Variants in TANGO6 observed in about 807,000 individuals in gnomAD.
TANGO6 encodes the protein transport and golgi organization 6 homolog.
Under a neutral mutation model 114.2 loss-of-function variants are expected in TANGO6, and 90 were observed. The observed-to-expected ratio is 0.79, with a 90% confidence interval of 0.66 to 0.94. The LOEUF (loss-of-function observed/expected upper bound fraction) is 0.94, where lower values mean the gene tolerates loss of function less well. Among genes scored for constraint, TANGO6 ranks in the 40% least tolerant of loss-of-function variants. TANGO6 has a pLI of 0.00. For missense variants in TANGO6, 1,274 were observed against 1,315.3 expected, an observed-to-expected ratio of 0.97 and a Z score of 0.49; for synonymous variants, 477 against 509.8, an observed-to-expected ratio of 0.94 and a Z score of 0.87.
chr16:68,980,251 T>C (rs1963811678), intron 15 of TANGO6, among the ~76,000 whole-genome samples: 1 of 151,140 alleles, frequency 6.6e-6, no homozygotes, highest in African/African-American at 2.4e-5. Context: ...TCTTTTTCAT[T>C]TTGTTTTTGA....
chr16:69,063,001 G>A (rs1322529659), intron 17 of TANGO6, among the ~76,000 whole-genome samples: 2 of 151,702 alleles, frequency 1.3e-5, no homozygotes, highest in East Asian at 2.0e-4. Context: ...GCCGAAACAG[G>A]TGAATTGTTT....
intron 17 of TANGO6, among the ~76,000 whole-genome samples, chr16:69,049,436 C>CTT (rs1005925380): frequency 6.9e-6 from 1 of 144,408 alleles, no homozygotes; most frequent in Non-Finnish European, 1.5e-5. Context: ...TTTTTTCTTT[C>CTT]TTTTTTTTTT....
intron 15 of TANGO6, among the ~76,000 whole-genome samples, chr16:68,987,334 A>G (rs1023647650): frequency 7.9e-5 from 12 of 152,074 alleles, no homozygotes; most frequent in African/African-American, 2.9e-4. Context: ...GGCTATTTAA[A>G]TTTTAAATTT....
chr16:68,846,330 C>A (rs1961803015), intron 1 of TANGO6, among the ~76,000 whole-genome samples: 1 of 152,140 alleles, frequency 6.6e-6, no homozygotes, highest in Admixed American at 6.6e-5. Context: ...CCATGCCCAA[C>A]CTCAAGAAGT....
At chr16:68,880,745 G>C in intron 7 of TANGO6, 115 bp downstream of exon 7, 1 of 600,980 alleles carries the variant, frequency 1.7e-6, no homozygotes, top group South Asian at 3.1e-5. Context: ...GTCTGGTCTT[G>C]AACTCCTGGC....
At chr16:68,910,424 C>T (rs1456899869) in intron 11 of TANGO6, among the ~76,000 whole-genome samples, 1 of 152,108 alleles carries the variant, frequency 6.6e-6, no homozygotes, top group East Asian at 1.9e-4. Flanking sequence ...TTCATCCAGA[C>T]CTTATGTTTT....
intron 14 of TANGO6, chr16:68,937,196 T>G (rs1265590055): frequency 6.6e-6 from 1 of 152,182 alleles, no homozygotes; most frequent in East Asian, 1.9e-4. Context: ...GCATGGAAAT[T>G]TGGAATGCAG....
At chr16:68,911,548 C>G (rs1962923135) in intron 11 of TANGO6, among the ~76,000 whole-genome samples, 1 of 151,840 alleles carries the variant, frequency 6.6e-6, no homozygotes, top group South Asian at 2.1e-4. Context: ...TCCCAAGTAG[C>G]TGGGATTACA....
In TANGO6 at chr16:68,927,785, C is replaced by G; in HGVS notation, c.2345C>G (p.Thr782Ser). 2 of 1,613,962 alleles carry G rather than the reference C, an allele frequency of 1.2e-6. No homozygotes were observed. Among genetic ancestry groups the G allele is most frequent in the African/African-American group, 1.3e-5 (1 of 75,034 alleles). ...LEGKIEEQQQ[T>S]SHERPTDVAH... The stretch of plus-strand genomic sequence containing the variant: ...GGGAAAATAGAAGAGCAGCAACAAA[C>G]CAGTCATGAAAGACCCACTGATGTA... The change falls in exon 13 of 18, where the codon ACC (threonine) becomes AGC (serine). Residue 782 changes from threonine (T) to serine (S), a missense_variant. By Grantham distance (58) the Thr-to-Ser change is moderately conservative. Around this residue, in one of 5 missense-constraint regions of TANGO6, gnomAD observed 908 missense variants for 910.2 expected, o/e 1.00. Transcript: ENST00000261778.
At chr16:69,057,880 C>G (rs1207882280) in intron 17 of TANGO6, among the ~76,000 whole-genome samples, 1 of 152,178 alleles carries the variant, frequency 6.6e-6, no homozygotes, top group Non-Finnish European at 1.5e-5. Flanking sequence ...CTCATGCTCC[C>G]CTACCTCTTG....
rs1963054613 is a variant in TANGO6, at chr16:68,919,195, T to C, written c.2103T>C (p.Ala701=). 6.2e-7 allele frequency: 1 copy of C among 1,612,732 alleles called. No individual in the cohort carries two copies. The highest frequency in any genetic ancestry group is 1.3e-5 in the African/African-American group (1 of 74,904). Reference sequence around the variant, plus strand: ...TGAGCATGTCCATGGGGCTGGTGGCTGTCATGCTAGGAGGAGCTGTTCAGG... The same window carrying C: ...TGAGCATGTCCATGGGGCTGGTGGCCGTCATGCTAGGAGGAGCTGTTCAGG... The part of the protein sequence containing the change: ...QTLSMSMGLV[A]VMLGGAVQLK... Residue 701 remains alanine, a synonymous_variant, in exon 12 of 18, where the codon GCT becomes GCC. Transcript: ENST00000261778.
At chr16:68,964,480 A>C (rs1414591634) in intron 14 of TANGO6, among the ~76,000 whole-genome samples, 1 of 152,114 alleles carries the variant, frequency 6.6e-6, no homozygotes, top group Non-Finnish European at 1.5e-5. Flanking sequence ...AGTTGAATTC[A>C]ATAGAGACGA....
At position 68,860,327 on chromosome 16, in the gene TANGO6, C is replaced by A. The variant is rs1962072850; in HGVS notation, c.538C>A (p.Gln180Lys). Residue 180 changes from glutamine to lysine, a missense_variant, in exon 2 of 18, where the codon CAA (glutamine) becomes AAA (lysine). Physicochemically the swap from Gln to Lys is moderately conservative, Grantham distance 53. Around this residue, in one of 5 missense-constraint regions of TANGO6, gnomAD observed 908 missense variants for 910.2 expected, o/e 1.00. Coordinates refer to ENST00000261778, the MANE Select transcript of TANGO6 (RefSeq NM_024562.2). ...TAGAACTGAATTTGGTGCCGTCGTT[C>A]AAGACGTGGTGTGTTTTGATGCTGC... ...RYRTEFGAVVQDVVCFDAAPD... is the reference protein window; with the variant it reads ...RYRTEFGAVVKDVVCFDAAPD... 2.5e-6 allele frequency: 4 copies of A among 1,613,978 alleles called. No individual in the cohort carries two copies. Among genetic ancestry groups the A allele is most frequent in the Non-Finnish European group, 3.4e-6 (4 of 1,179,906 alleles).
chr16:69,058,971 G>A (rs1409694460), intron 17 of TANGO6, among the ~76,000 whole-genome samples: 9 of 148,878 alleles, frequency 6.0e-5, no homozygotes, highest in Admixed American at 6.0e-4. Flanking sequence ...ACAATGCTGC[G>A]ATCTCGGCTC....
At chr16:68,902,049 CAAAAAAA>C (rs747586789) in intron 8 of TANGO6, among the ~76,000 whole-genome samples, 24 of 79,798 alleles carry the variant, frequency 3.0e-4, no homozygotes, top group African/African-American at 5.4e-4. Context: ...TTGGAATTAC[CAAAAAAA>C]AAAAAAAAAA....
At chr16:68,968,758 C>T (rs1963672680) in intron 14 of TANGO6, among the ~76,000 whole-genome samples, 1 of 150,576 alleles carries the variant, frequency 6.6e-6, no homozygotes. Flanking sequence ...GCAAGCTCCA[C>T]CTCCCGGGTT....
chr16:69,065,038 T>G (rs916233467), intron 17 of TANGO6, among the ~76,000 whole-genome samples: 1 of 152,230 alleles, frequency 6.6e-6, no homozygotes, highest in African/African-American at 2.4e-5. Context: ...CCAATCTCTT[T>G]TCTCGTAAGC....
At chr16:68,958,904 C>T (rs551623640) in intron 14 of TANGO6, among the ~76,000 whole-genome samples, 195 of 152,236 alleles carry the variant, frequency 1.3e-3, no homozygotes, top group Non-Finnish European at 2.4e-3. Context: ...TGCCACTGCA[C>T]TCCAGTCTGG....
intron 15 of TANGO6, among the ~76,000 whole-genome samples, chr16:68,980,409 C>CTATA (rs1231646458): frequency 4.6e-4 from 31 of 67,982 alleles, no homozygotes; most frequent in Non-Finnish European, 5.3e-4. Context: ...CTCTCTCTCT[C>CTATA]TATATATATA....
Sources: allele counts gnomAD v4.1 joint callset (sites outside exome capture counted in the v4.1 genomes callset), GRCh38; gene constraint gnomAD v4.1.1; regional missense constraint gnomAD v4.1.1; transcripts MANE v1.5; gene names NCBI Gene and HGNC (gene_info 2026-07-23, HGNC 2026-07-21).